EMC3: variants seen among roughly 807,000 people sequenced by gnomAD.
EMC3 encodes the protein 30 kDa protein.
Under a neutral mutation model 36.6 loss-of-function variants are expected in EMC3, and 13 were observed. The ratio of observed to expected loss-of-function variants is 0.35; its 90% CI spans 0.23 to 0.56. EMC3 has a LOEUF of 0.56. Among genes scored for constraint, EMC3 ranks in the 20% least tolerant of loss-of-function variants. EMC3 has a pLI of 0.84. For missense variants in EMC3, 220 were observed against 324.5 expected (o/e 0.68, Z 2.47); for synonymous variants, 120 against 111.9 (o/e 1.07, Z -0.46).
At chr3:9,986,910 G>A, upstream of EMC3, 2 of 1,297,404 alleles carry the variant, frequency 1.5e-6, no homozygotes, top group Non-Finnish European at 2.0e-6. Context: ...GGCCTGGCGG[G>A]AAAGTGGAAA....
chr3:9,968,819 A>ATT (rs561309442), intron 7 of EMC3: 4 of 128,966 alleles, frequency 3.1e-5, no homozygotes, highest in Non-Finnish European at 5.1e-5. Flanking sequence ...TCATTTTTGT[A>ATT]TTTTTTTTTT....
At chr3:9,984,638 G>A (rs190749050) in intron 1 of EMC3, among the ~76,000 whole-genome samples, 3 of 152,200 alleles carry the variant, frequency 2.0e-5, no homozygotes, top group East Asian at 1.9e-4. Flanking sequence ...TGATCCGTCC[G>A]CCTCGGCCTC....
upstream of EMC3, among the ~76,000 whole-genome samples, chr3:9,989,211 C>T (rs1353473426): frequency 6.6e-6 from 1 of 152,188 alleles, no homozygotes; most frequent in African/African-American, 2.4e-5. Context: ...AGCAGTGGTA[C>T]TGGATCTTAT....
intron 3 of EMC3, among the ~76,000 whole-genome samples, chr3:9,976,105 A>G (rs1252220494): frequency 6.6e-6 from 1 of 151,894 alleles, no homozygotes; most frequent in Non-Finnish European, 1.5e-5. Context: ...ACTTTTAGTT[A>G]TTTTTATTTT....
upstream of EMC3, chr3:9,986,953 C>G: frequency 1.7e-6 from 2 of 1,174,596 alleles, no homozygotes; most frequent in Non-Finnish European, 2.1e-6. Context: ...CGGTGGCTCA[C>G]TCCTGGAATC....
At position 9,986,819 on chromosome 3, in the gene EMC3, C is replaced by T; in HGVS notation, c.-158G>A. On this transcript the variant is annotated 5_prime_UTR_variant, in exon 1 of 8. Coordinates refer to ENST00000245046, the MANE Select transcript of EMC3 (RefSeq NM_001394674.1). ...TGTGAGCCGAGCTTACTGCCTTCAG[C>T]TGGGCTGCCTGGTCTTCCACTTCCG... The T allele has an allele frequency of 2.8e-6, 4 of 1,412,762 alleles. No individual in the cohort carries two copies. The highest frequency in any genetic ancestry group is 3.7e-6 in the Non-Finnish European group (4 of 1,081,110). The allele number at this position is 1,412,762 out of a possible 1,614,324, so 87.5% of individuals were successfully genotyped here.
intron 1 of EMC3, among the ~76,000 whole-genome samples, chr3:9,995,036 T>TAA (rs71307727): frequency 1.3e-5 from 2 of 151,838 alleles, no homozygotes; most frequent in Non-Finnish European, 2.9e-5. Context: ...TGAAGATTTG[T>TAA]AAAAAAAATT....
intron 1 of EMC3, among the ~76,000 whole-genome samples, chr3:9,986,044 C>T (rs1262716544): frequency 6.6e-6 from 1 of 152,150 alleles, no homozygotes; most frequent in Non-Finnish European, 1.5e-5. Context: ...TACTTGGCAT[C>T]TCAGCTGACA....
At chr3:9,991,088 A>G (rs1196666697), upstream of EMC3, among the ~76,000 whole-genome samples, 1 of 152,040 alleles carries the variant, frequency 6.6e-6, no homozygotes, top group Non-Finnish European at 1.5e-5. Context: ...TTGGCCTCCC[A>G]AAGTGCTGGG....
At chr3:9,998,409 T>A (rs939221340) in intron 1 of EMC3, among the ~76,000 whole-genome samples, 1 of 104,018 alleles carries the variant, frequency 9.6e-6, no homozygotes, top group South Asian at 3.0e-4. Context: ...TAATAATAAT[T>A]TTGCTTTTAA....
At chr3:9,973,354 C>G (rs1197970901) in intron 5 of EMC3, among the ~76,000 whole-genome samples, 1 of 151,922 alleles carries the variant, frequency 6.6e-6, no homozygotes, top group Non-Finnish European at 1.5e-5. Flanking sequence ...GCCACCACGC[C>G]TGGCTAAGTT....
rs998528975 is a variant in EMC3, at chr3:9,977,449, G to A, written c.156-3C>T. The A allele has an allele frequency of 1.2e-6, 2 of 1,611,102 alleles. No individual in the cohort carries two copies. The highest frequency in any genetic ancestry group is 2.7e-5 in the African/African-American group (2 of 74,772). On this transcript the variant is annotated splice_polypyrimidine_tract_variant and splice_region_variant and intron_variant, in intron 1 of 7. Coordinates refer to ENST00000245046, the MANE Select transcript of EMC3 (RefSeq NM_001394674.1). The stretch of plus-strand genomic sequence containing the variant: ...CTCTGCTTCGAATTAGGACTTGACT[G>A]AAAAATACAACCAACACAATGAGAT...
chr3:9,986,644 C>T lies in EMC3; in HGVS notation c.18G>A (p.Leu6=), dbSNP rs1033082363. The stretch of plus-strand genomic sequence containing the variant: ...AGAGGCGGATGTTGGAGTCGAGCAA[C>T]AGTTCTGGCCCTGCCATCTTCACTG... MAGPE[L]LLDSNIRLWV... is the part of the protein sequence containing the mutation. The change falls in exon 1 of 8, where the codon CTG becomes CTA. Residue 6 remains leucine (L), a synonymous_variant. Coordinates refer to ENST00000245046, the MANE Select transcript of EMC3 (RefSeq NM_001394674.1). 6.2e-7 allele frequency: 1 copy of T among 1,614,140 alleles called. No homozygotes were observed. Among genetic ancestry groups the T allele is most frequent in the Non-Finnish European group, 8.5e-7 (1 of 1,180,000 alleles).
chr3:10,005,134 C>T (rs537036329), intron 1 of EMC3: 2 of 152,094 alleles, frequency 1.3e-5, no homozygotes, highest in Admixed American at 1.3e-4. Flanking sequence ...GGGAGTAAAC[C>T]AGAGGAGGAG....
intron 1 of EMC3, among the ~76,000 whole-genome samples, chr3:9,978,831 C>A (rs2085878530): frequency 6.8e-6 from 1 of 147,414 alleles, no homozygotes; most frequent in African/African-American, 2.6e-5. Context: ...CTCAAAAAAA[C>A]AACAACAACA....
upstream of EMC3, among the ~76,000 whole-genome samples, chr3:9,991,550 T>C (rs2086052451): frequency 6.6e-6 from 1 of 152,100 alleles, no homozygotes; most frequent in African/African-American, 2.4e-5. Flanking sequence ...AGGGTCTCAC[T>C]CTGTCGCCAG....
chr3:9,983,524 T>C (rs2085934809), intron 1 of EMC3, among the ~76,000 whole-genome samples: 1 of 152,082 alleles, frequency 6.6e-6, no homozygotes, highest in South Asian at 2.1e-4. Flanking sequence ...ATACAAAAAT[T>C]AGCCAGGCAT....
intron 1 of EMC3, among the ~76,000 whole-genome samples, chr3:9,997,720 A>C (rs1253876209): frequency 6.6e-6 from 1 of 152,098 alleles, no homozygotes; most frequent in Admixed American, 6.5e-5. Context: ...TCGGCCTCCC[A>C]AAGTGCTGGG....
chr3:10,006,385 T>C (rs1175613171), intron 1 of EMC3: 1 of 152,214 alleles, frequency 6.6e-6, no homozygotes, highest in East Asian at 1.9e-4. Context: ...AAGACAAAAA[T>C]CAAGTCGTTG....
Sources: gnomAD v4.1 joint callset for allele counts (sites outside exome capture counted in the v4.1 genomes callset) on GRCh38, gnomAD v4.1.1 for gene constraint, MANE v1.5 for transcripts, NCBI Gene and HGNC (gene_info 2026-07-23, HGNC 2026-07-21) for gene names.